GSE1: variants seen among roughly 807,000 people sequenced by gnomAD.
The protein encoded by GSE1 is genetic suppressor element 1.
In GSE1, 32 loss-of-function variants were observed where a neutral mutation model predicts 112.6. The observed-to-expected ratio is 0.28, with a 90% CI of 0.21 to 0.38. The LOEUF (loss-of-function observed/expected upper bound fraction) is 0.38. Ranked by LOEUF, GSE1 falls within the 10% of genes least tolerant of loss-of-function variation. GSE1 has a pLI of 1.00. For synonymous variants in GSE1, 1,115 were observed against 735.6 expected, an observed-to-expected ratio of 1.52 and a Z score of -8.35; for missense variants, 2,348 against 1,699.2, an observed-to-expected ratio of 1.38 and a Z score of -6.71.
chr16:85,387,818 G>T (rs183199516), intron 2 of GSE1, among the ~76,000 whole-genome samples: 16 of 152,364 alleles, frequency 1.1e-4, no homozygotes, highest in Admixed American at 9.8e-4. Flanking sequence ...AGACAAATGG[G>T]TGAATGAAAA....
intron 1 of GSE1, among the ~76,000 whole-genome samples, chr16:85,599,608 A>G (rs982088805): frequency 6.6e-5 from 10 of 152,234 alleles, no homozygotes; most frequent in African/African-American, 2.4e-4. Context: ...AGCCTCTTGC[A>G]TCTCACCTCT....
intron 2 of GSE1, among the ~76,000 whole-genome samples, chr16:85,424,675 C>T (rs899755201): frequency 6.6e-6 from 1 of 152,242 alleles, no homozygotes; most frequent in African/African-American, 2.4e-5. Context: ...CACCTGCTCC[C>T]GCCGTCCCTC....
intron 1 of GSE1, among the ~76,000 whole-genome samples, chr16:85,279,186 GA>G (rs1183708568): frequency 6.6e-6 from 1 of 152,256 alleles, no homozygotes; most frequent in African/African-American, 2.4e-5. Flanking sequence ...AAATAGTGGG[GA>G]GGGGGGAGGA....
At chr16:85,314,917 C>T (rs1044213007) in intron 1 of GSE1, among the ~76,000 whole-genome samples, 4 of 152,196 alleles carry the variant, frequency 2.6e-5, no homozygotes, top group South Asian at 2.1e-4. Flanking sequence ...CAAGCTGGCA[C>T]GGCCCTGCGT....
intron 2 of GSE1, among the ~76,000 whole-genome samples, chr16:85,646,280 G>A (rs1467968517): frequency 6.6e-6 from 1 of 152,196 alleles, no homozygotes; most frequent in Non-Finnish European, 1.5e-5. Context: ...ACCATGCCCC[G>A]GGCTGTAGGT....
At chr16:85,444,521 AG>A (rs2049459853) in intron 2 of GSE1, among the ~76,000 whole-genome samples, 1 of 152,118 alleles carries the variant, frequency 6.6e-6, no homozygotes, top group South Asian at 2.1e-4. Flanking sequence ...AACCCTGGGG[AG>A]GGGCTTCTGG....
chr16:85,346,507 GTGA>G (rs1320050849), intron 1 of GSE1, among the ~76,000 whole-genome samples: 1 of 148,020 alleles, frequency 6.8e-6, no homozygotes, highest in African/African-American at 2.5e-5. Flanking sequence ...AGATAGATGG[GTGA>G]TGGATGGATG....
At chr16:85,233,940 G>C (rs35188165) in intron 1 of GSE1, among the ~76,000 whole-genome samples, 26,544 of 152,104 alleles carry the variant, frequency 0.17, 2,470 homozygotes, top group South Asian at 0.34. Context: ...GGGATCACAT[G>C]GGCAGGAGCA....
At chr16:85,602,302 C>T (rs552725997) in intron 1 of GSE1, among the ~76,000 whole-genome samples, 4 of 152,266 alleles carry the variant, frequency 2.6e-5, no homozygotes, top group South Asian at 2.1e-4. Context: ...CACAGGCCTG[C>T]GTGTCCCCAG....
chr16:85,310,537 C>A (rs1016596575), intron 1 of GSE1, among the ~76,000 whole-genome samples: 5 of 151,558 alleles, frequency 3.3e-5, no homozygotes, highest in Admixed American at 3.3e-4. Flanking sequence ...CTCCTTCTCC[C>A]CCACCTCTCA....
At chr16:85,263,425 T>A (rs116343024) in intron 1 of GSE1, among the ~76,000 whole-genome samples, 1 of 152,156 alleles carries the variant, frequency 6.6e-6, no homozygotes, top group Non-Finnish European at 1.5e-5. Context: ...AAGTTTCCAG[T>A]TGGTATTTGC....
chr16:85,670,797 G>A (rs1425197595), intron 14 of GSE1, 198 bp from the exon 15 acceptor site: 1 of 430,906 alleles, frequency 2.3e-6, no homozygotes, highest in African/African-American at 2.1e-5. Context: ...TGTGTATTGG[G>A]CTTAATTTAG....
intron 3 of GSE1, among the ~76,000 whole-genome samples, chr16:85,649,616 G>C (rs569321063): frequency 6.7e-6 from 1 of 150,104 alleles, no homozygotes; most frequent in Non-Finnish European, 1.5e-5. Context: ...CCCTCAGGTG[G>C]GTACCTGCAG....
At chr16:85,545,254 A>C (rs2151218279) in intron 2 of GSE1, among the ~76,000 whole-genome samples, 1 of 152,314 alleles carries the variant, frequency 6.6e-6, no homozygotes, top group Non-Finnish European at 1.5e-5. Flanking sequence ...ATAGGAAGGA[A>C]GGCCTTTTGT....
chr16:85,487,161 G>C (rs2050868060), intron 2 of GSE1, among the ~76,000 whole-genome samples: 1 of 152,218 alleles, frequency 6.6e-6, no homozygotes, highest in Non-Finnish European at 1.5e-5. Flanking sequence ...GAGCAGAAGA[G>C]ATTGTCCTGC....
chr16:85,556,146 G>C (rs1455829887), exon 1 of GSE1: 10 of 957,830 alleles, frequency 1.0e-5, no homozygotes, highest in South Asian at 4.9e-5. Context: ...TGCGGGGCGG[G>C]GGGGGGAAAG....
rs2052607407 is a variant in GSE1, at chr16:85,663,597, G to C, written c.2627G>C (p.Ser876Thr). The change falls in exon 11 of 16, where the codon AGC becomes ACC. Residue 876 changes from serine (S) to threonine (T), a missense_variant. By Grantham distance (58) the Ser-to-Thr change is moderately conservative (BLOSUM62 1). Coordinates refer to ENST00000253458, the MANE Select transcript of GSE1 (RefSeq NM_014615.5). ...FLTIFNLTHISAEKRKDKERL... is the reference protein window; with the variant it reads ...FLTIFNLTHITAEKRKDKERL... The stretch of plus-strand genomic sequence containing the variant: ...ACCATCTTCAACCTGACCCACATCA[G>C]CGCTGAGAAGAGGAAAGGTAGGGCC... The C allele has an allele frequency of 6.2e-7, 1 of 1,612,882 alleles. No individual in the cohort carries two copies.
At chr16:85,618,058 C>A (rs535484376) in intron 1 of GSE1, among the ~76,000 whole-genome samples, 1 of 152,152 alleles carries the variant, frequency 6.6e-6, no homozygotes, top group Admixed American at 6.5e-5. Flanking sequence ...CTTACAAATG[C>A]AGAGTCCCAC....
intron 1 of GSE1, among the ~76,000 whole-genome samples, chr16:85,568,307 T>C (rs997435163): frequency 6.6e-6 from 1 of 152,192 alleles, no homozygotes; most frequent in Admixed American, 6.5e-5. Flanking sequence ...CTGGTAGGCC[T>C]CCGGGGTGGG....
Sources: gnomAD v4.1 joint callset for allele counts (sites outside exome capture counted in the v4.1 genomes callset) on GRCh38, gnomAD v4.1.1 for gene constraint, MANE v1.5 for transcripts, NCBI Gene and HGNC (gene_info 2026-07-23, HGNC 2026-07-21) for gene names.